MYRIP: variants seen among roughly 807,000 people sequenced by gnomAD.
MYRIP encodes the protein rab effector MyRIP.
A neutral mutation model predicts 98.0 loss-of-function variants in MYRIP; 49 were observed. That is an observed-to-expected ratio of 0.50 (90% confidence interval 0.40 to 0.63). MYRIP has a LOEUF of 0.63. Ranked by LOEUF, MYRIP falls within the 30% of genes least tolerant of loss-of-function variation. The probability of loss-of-function intolerance (pLI) is 0.00; values close to 1 mark genes in which losing one functional copy is unlikely to be tolerated. For synonymous variants in MYRIP, 404 were observed against 409.5 expected, an observed-to-expected ratio of 0.99 and a Z score of 0.16; for missense variants, 1,004 against 1,058.2, an observed-to-expected ratio of 0.95 and a Z score of 0.71.
At chr3:40,139,526 T>C (rs1246710082) in intron 3 of MYRIP, among the ~76,000 whole-genome samples, 1 of 152,246 alleles carries the variant, frequency 6.6e-6, no homozygotes. Flanking sequence ...ATTTAAATAT[T>C]CTTTTATTTA....
At chr3:39,942,172 G>A (rs939803731) in intron 2 of MYRIP, among the ~76,000 whole-genome samples, 4 of 152,094 alleles carry the variant, frequency 2.6e-5, no homozygotes, top group Admixed American at 1.3e-4. Flanking sequence ...GTACCTCTCC[G>A]TGCGTTCAGA....
chr3:40,100,176 C>T (rs897709429), intron 3 of MYRIP: 17 of 985,170 alleles, frequency 1.7e-5, no homozygotes, highest in African/African-American at 7.0e-5. Flanking sequence ...TGTGTCCTGG[C>T]GTTTAATTAT....
At chr3:40,219,749 C>G (rs1409120972) in intron 11 of MYRIP, among the ~76,000 whole-genome samples, 4 of 152,000 alleles carry the variant, frequency 2.6e-5, no homozygotes, top group African/African-American at 4.8e-5. Context: ...GGACATTTGG[C>G]TTGGTTCCAA....
chr3:39,923,730 G>T (rs1944355134), intron 2 of MYRIP, among the ~76,000 whole-genome samples: 1 of 152,016 alleles, frequency 6.6e-6, no homozygotes, highest in Non-Finnish European at 1.5e-5. Context: ...AATACAATAG[G>T]CTTTCTTTAT....
At chr3:40,208,360 C>T (rs1407410277) in intron 10 of MYRIP, among the ~76,000 whole-genome samples, 2 of 152,140 alleles carry the variant, frequency 1.3e-5, no homozygotes, top group Non-Finnish European at 2.9e-5. Context: ...CAAGAGGAAA[C>T]TCAAAAAGTA....
chr3:39,894,298 A>G (rs1943553699), intron 1 of MYRIP, among the ~76,000 whole-genome samples: 1 of 152,228 alleles, frequency 6.6e-6, no homozygotes, highest in Non-Finnish European at 1.5e-5. Flanking sequence ...GGCCCCATCT[A>G]GCCACTGCCT....
At chr3:40,247,416 C>G (rs1243564981) in intron 13 of MYRIP, among the ~76,000 whole-genome samples, 1 of 152,144 alleles carries the variant, frequency 6.6e-6, no homozygotes, top group Non-Finnish European at 1.5e-5. Context: ...CATAAGTGAG[C>G]TACTGCTACT....
intron 3 of MYRIP, among the ~76,000 whole-genome samples, chr3:40,090,777 G>T (rs1948724179): frequency 6.6e-6 from 1 of 152,172 alleles, no homozygotes; most frequent in African/African-American, 2.4e-5. Context: ...CTCAACAGTA[G>T]TGTCCTACTT....
chr3:39,852,279 A>G (rs1255159425), intron 1 of MYRIP, among the ~76,000 whole-genome samples: 1 of 152,192 alleles, frequency 6.6e-6, no homozygotes, highest in Non-Finnish European at 1.5e-5. Context: ...TTGGGAGACT[A>G]GTAACAACTT....
intron 3 of MYRIP, among the ~76,000 whole-genome samples, chr3:40,080,426 C>T (rs1272139517): frequency 4.6e-5 from 7 of 151,858 alleles, no homozygotes; most frequent in African/African-American, 2.4e-5. Flanking sequence ...TTACACTATC[C>T]CCATAAATTG....
chr3:39,831,072 T>C (rs1481551478), intron 1 of MYRIP, among the ~76,000 whole-genome samples: 4 of 152,190 alleles, frequency 2.6e-5, no homozygotes. Context: ...TGATGCACTT[T>C]CTTCACCAGG....
At chr3:40,090,411 G>T (rs147640509) in intron 3 of MYRIP, among the ~76,000 whole-genome samples, 25 of 152,270 alleles carry the variant, frequency 1.6e-4, no homozygotes, top group African/African-American at 6.0e-4. Context: ...GGCAGTGGGG[G>T]AGTTTGTCTT....
At chr3:40,054,854 C>A (rs1368955825) in intron 3 of MYRIP, among the ~76,000 whole-genome samples, 1 of 152,210 alleles carries the variant, frequency 6.6e-6, no homozygotes, top group Admixed American at 6.5e-5. Flanking sequence ...GGCATATTTT[C>A]AAATTACTGG....
In MYRIP at chr3:40,166,852, G is replaced by A. The variant is rs769976709; in HGVS notation, c.557G>A (p.Ser186Asn). 12 of 1,608,782 alleles carry A rather than the reference G, an allele frequency of 7.5e-6. No homozygotes were observed. Among genetic ancestry groups the A allele is most frequent in the Non-Finnish European group, 1.0e-5 (12 of 1,175,136 alleles). The change falls in exon 6 of 17, where the codon AGT becomes AAT. Residue 186 changes from serine to asparagine, a missense_variant. Physicochemically the swap from Ser to Asn is conservative, Grantham distance 46. This residue lies in a region of MYRIP where 880 missense variants were observed against 907.7 expected (regional missense o/e 0.97). Transcript: ENST00000302541. ...STFYRQSEGH[S>N]VMDTLAVALR... ...TGTTCTGTTTCCTGTCTAGGACATA[G>A]TGTGATGGACACCTTGGCTGTGGCC...
At chr3:39,980,170 G>A (rs1236290701) in intron 2 of MYRIP, among the ~76,000 whole-genome samples, 1 of 152,226 alleles carries the variant, frequency 6.6e-6, no homozygotes, top group African/African-American at 2.4e-5. Context: ...CTCGGGAAGA[G>A]GAGTGTCCGA....
chr3:39,990,917 T>A (rs888070223), intron 2 of MYRIP, among the ~76,000 whole-genome samples: 2 of 152,092 alleles, frequency 1.3e-5, no homozygotes, highest in Non-Finnish European at 2.9e-5. Context: ...AACCAAACAC[T>A]GCATGTTCTC....
rs138572237 is a variant in MYRIP at position 40,190,197 on chromosome 3, G to T, written c.1399G>T (p.Gly467Trp). Residue 467 changes from glycine (G) to tryptophan (W), a missense_variant, in exon 10 of 17, where the codon GGG (glycine) becomes TGG (tryptophan). By Grantham distance (184) the Gly-to-Trp change is radical. Coordinates refer to ENST00000302541, the MANE Select transcript of MYRIP (RefSeq NM_015460.4). ...TSSAGSSREV[G>W]HQARLSWLQR... ...CTCCGCAGGCTCTTCCCGAGAAGTT[G>T]GGCACCAGGCCAGACTGTCCTGGTT... is the stretch of plus-strand genomic sequence containing the variant. 6.2e-7 allele frequency: 1 copy of T among 1,614,018 alleles called. No homozygotes were observed. Among genetic ancestry groups the T allele is most frequent in the Non-Finnish European group, 8.5e-7 (1 of 1,180,036 alleles).
intron 1 of MYRIP, among the ~76,000 whole-genome samples, chr3:39,887,133 G>A (rs1200528620): frequency 3.9e-5 from 6 of 152,078 alleles, no homozygotes; most frequent in African/African-American, 1.2e-4. Context: ...GATGTTCTTT[G>A]AAACCAACGA....
intron 2 of MYRIP, among the ~76,000 whole-genome samples, chr3:40,029,984 C>T (rs1575478004): frequency 6.6e-6 from 1 of 152,038 alleles, no homozygotes; most frequent in East Asian, 1.9e-4. Context: ...CACTTGAGCC[C>T]AGGAGTCCAA....
Sources: allele counts gnomAD v4.1 joint callset (sites outside exome capture counted in the v4.1 genomes callset), GRCh38; gene constraint gnomAD v4.1.1; regional missense constraint gnomAD v4.1.1; transcripts MANE v1.5; gene names NCBI Gene and HGNC (gene_info 2026-07-23, HGNC 2026-07-21).